The following PLCXD3 variants were observed in gnomAD, a reference collection of about 807,000 sequenced individuals.
PLCXD3 encodes PI-PLC X domain-containing protein 3.
A neutral mutation model predicts 25.5 loss-of-function variants in PLCXD3; 19 were observed. The observed-to-expected ratio is 0.75, with a 90% CI of 0.52 to 1.09. PLCXD3 has a LOEUF of 1.09. Among genes scored for constraint, PLCXD3 ranks in the 50% least tolerant of loss-of-function variants. The probability of loss-of-function intolerance (pLI) is 0.00; values close to 1 mark genes in which losing one functional copy is unlikely to be tolerated. For missense variants in PLCXD3, 411 were observed against 388.1 expected (o/e 1.06, Z -0.50); for synonymous variants, 174 against 137.6 (o/e 1.26, Z -1.85).
rs968313282 is a variant in PLCXD3 at position 41,309,786 on chromosome 5, G to C, written c.*3831C>G. The stretch of plus-strand genomic sequence containing the variant: ...AATTTGAAGTGAAATTGAGAATTTA[G>C]ATAGACTGTTCGTGCCAGGCATTTT... On this transcript the variant is annotated 3_prime_UTR_variant, in exon 3 of 3. Transcript: ENST00000377801. 1.3e-5 allele frequency: 2 copies of C among 152,166 alleles called. No individual in the cohort carries two copies. The highest frequency in any genetic ancestry group is 4.8e-5 in the African/African-American group (2 of 41,444). The allele number at this position is 152,166 out of a possible 1,614,324, so 9.4% of individuals were successfully genotyped here.
chr5:41,448,860 ATCT>A (rs1277107621), intron 1 of PLCXD3, among the ~76,000 whole-genome samples: 1 of 152,182 alleles, frequency 6.6e-6, no homozygotes, highest in Non-Finnish European at 1.5e-5. Flanking sequence ...GACATTTATA[ATCT>A]TCTTAACCTT....
At chr5:41,455,994 G>C (rs1247052517) in intron 1 of PLCXD3, among the ~76,000 whole-genome samples, 1 of 151,898 alleles carries the variant, frequency 6.6e-6, no homozygotes, top group East Asian at 1.9e-4. Context: ...TGTTACTACT[G>C]CTGGTAGTAT....
chr5:41,332,971 C>T (rs1743872362), intron 2 of PLCXD3, among the ~76,000 whole-genome samples: 1 of 152,106 alleles, frequency 6.6e-6, no homozygotes, highest in Non-Finnish European at 1.5e-5. Flanking sequence ...GGAGGGATAG[C>T]TTTAGGAGAT....
intron 2 of PLCXD3, among the ~76,000 whole-genome samples, chr5:41,357,425 A>T (rs1400564518): frequency 2.6e-5 from 4 of 152,240 alleles, no homozygotes; most frequent in African/African-American, 7.2e-5. Flanking sequence ...TGTAAGACTC[A>T]GTTTCTGTTT....
intron 2 of PLCXD3, among the ~76,000 whole-genome samples, chr5:41,371,967 G>A (rs969309311): frequency 3.9e-5 from 6 of 151,962 alleles, no homozygotes; most frequent in African/African-American, 1.2e-4. Flanking sequence ...AATTCCAAAC[G>A]AATCTCCCTT....
intron 1 of PLCXD3, among the ~76,000 whole-genome samples, chr5:41,406,535 C>A (rs1050391667): frequency 2.6e-5 from 4 of 152,146 alleles, no homozygotes; most frequent in African/African-American, 7.2e-5. Context: ...CTCTTGCTTG[C>A]CCTTCAAACC....
chr5:41,348,634 A>AGTTTTTTT (rs1048019627), intron 2 of PLCXD3, among the ~76,000 whole-genome samples: 1 of 151,874 alleles, frequency 6.6e-6, no homozygotes, highest in Non-Finnish European at 1.5e-5. Context: ...AAAATTACTG[A>AGTTTTTTT]GTTTTTTTGT....
At chr5:41,420,603 G>C (rs1240778194) in intron 1 of PLCXD3, among the ~76,000 whole-genome samples, 1 of 152,110 alleles carries the variant, frequency 6.6e-6, no homozygotes, top group Non-Finnish European at 1.5e-5. Context: ...TCTCAGACTG[G>C]GCTTCTGCCA....
At chr5:41,316,958 G>A (rs186757618) in intron 2 of PLCXD3, among the ~76,000 whole-genome samples, 160 of 152,350 alleles carry the variant, frequency 1.1e-3, no homozygotes, top group African/African-American at 3.2e-3. Flanking sequence ...GGATACAGAC[G>A]TGGCTGGCTT....
chr5:41,422,717 T>C (rs1746858015), intron 1 of PLCXD3, among the ~76,000 whole-genome samples: 2 of 152,366 alleles, frequency 1.3e-5, no homozygotes, highest in Non-Finnish European at 2.9e-5. Context: ...AAAGTTCCTA[T>C]GCTCCTTTTG....
intron 2 of PLCXD3, among the ~76,000 whole-genome samples, chr5:41,341,656 C>T (rs980590627): frequency 2.6e-5 from 4 of 152,072 alleles, no homozygotes; most frequent in African/African-American, 9.7e-5. Context: ...ATGAATCATT[C>T]CTCTACCTTA....
At chr5:41,315,621 T>C (rs1743267550) in intron 2 of PLCXD3, among the ~76,000 whole-genome samples, 2 of 152,160 alleles carry the variant, frequency 1.3e-5, no homozygotes, top group African/African-American at 4.8e-5. Flanking sequence ...AGTACCTGGA[T>C]TTAACTTTAT....
chr5:41,377,344 A>G (rs1347538134), intron 2 of PLCXD3, among the ~76,000 whole-genome samples: 1 of 151,904 alleles, frequency 6.6e-6, no homozygotes, highest in African/African-American at 2.4e-5. Context: ...ATTAATCATT[A>G]CCTAAACTGT....
At chr5:41,356,126 C>T (rs1378996785) in intron 2 of PLCXD3, among the ~76,000 whole-genome samples, 1 of 152,038 alleles carries the variant, frequency 6.6e-6, no homozygotes, top group African/African-American at 2.4e-5. Context: ...ATTAGCCAGG[C>T]GTGGTGGCAG....
At chr5:41,502,961 C>A (rs971320022) in intron 1 of PLCXD3, among the ~76,000 whole-genome samples, 1 of 152,158 alleles carries the variant, frequency 6.6e-6, no homozygotes, top group African/African-American at 2.4e-5. Flanking sequence ...ATGGCAGGAG[C>A]TTTACATCCC....
chr5:41,476,893 T>C (rs936307436), intron 1 of PLCXD3, among the ~76,000 whole-genome samples: 11 of 152,350 alleles, frequency 7.2e-5, no homozygotes, highest in African/African-American at 2.6e-4. Context: ...GCGTCAAGAA[T>C]GATTCTGGAG....
chr5:41,454,673 T>C (rs1747712231), intron 1 of PLCXD3, among the ~76,000 whole-genome samples: 1 of 151,868 alleles, frequency 6.6e-6, no homozygotes, highest in Non-Finnish European at 1.5e-5. Context: ...GCAGGTCATG[T>C]AGTGATGGAA....
chr5:41,459,875 G>A (rs912909097), intron 1 of PLCXD3, among the ~76,000 whole-genome samples: 4 of 151,860 alleles, frequency 2.6e-5, no homozygotes, highest in Admixed American at 6.6e-5. Context: ...AGGATTTACT[G>A]AGCATCTATT....
At chr5:41,366,824 C>T (rs542085715) in intron 2 of PLCXD3, among the ~76,000 whole-genome samples, 2 of 152,130 alleles carry the variant, frequency 1.3e-5, no homozygotes, top group African/African-American at 2.4e-5. Flanking sequence ...CAGTGTGTGT[C>T]ATTCCTCTCC....
Sources: gnomAD v4.1 joint callset for allele counts (sites outside exome capture counted in the v4.1 genomes callset) on GRCh38, gnomAD v4.1.1 for gene constraint, MANE v1.5 for transcripts, NCBI Gene and HGNC (gene_info 2026-07-23, HGNC 2026-07-21) for gene names.